Variants in STK33 observed in about 807,000 individuals in gnomAD.
STK33 encodes the protein serine/threonine-protein kinase 33.
STK33 carries 52 observed loss-of-function variants against 58.0 expected under a neutral mutation model. The ratio of observed to expected loss-of-function variants is 0.90; its 90% confidence interval spans 0.72 to 1.13. STK33 has a LOEUF of 1.13. Among genes scored for constraint, STK33 ranks in the 50% most tolerant of loss-of-function variants. The probability of loss-of-function intolerance (pLI) is 0.00; values close to 1 mark genes in which losing one functional copy is unlikely to be tolerated. For missense variants in STK33, 630 were observed against 604.2 expected (o/e 1.04, Z -0.45); for synonymous variants, 215 against 200.1 (o/e 1.07, Z -0.63).
intron 1 of STK33, among the ~76,000 whole-genome samples, chr11:8,496,324 T>C (rs1160057280): frequency 6.6e-6 from 1 of 152,170 alleles, no homozygotes; most frequent in Non-Finnish European, 1.5e-5. Flanking sequence ...GTGCAAAAAA[T>C]GAATTTATGC....
chr11:8,384,071 C>A, the STK33 span, among the ~76,000 whole-genome samples: 1 of 152,084 alleles, frequency 6.6e-6, no homozygotes, highest in South Asian at 2.1e-4. Context: ...GGTGCCGAGG[C>A]AAGAGAGTGA....
intron 1 of STK33, among the ~76,000 whole-genome samples, chr11:8,509,914 C>A (rs896151526): frequency 2.6e-5 from 4 of 152,146 alleles, no homozygotes; most frequent in African/African-American, 9.7e-5. Context: ...GACTGATGGG[C>A]ATTTAGGTTG....
chr11:8,513,906 T>A (rs942017726), intron 1 of STK33, among the ~76,000 whole-genome samples: 1 of 152,136 alleles, frequency 6.6e-6, no homozygotes, highest in Non-Finnish European at 1.5e-5. Context: ...AAATACGAGT[T>A]CTTATTCATT....
intron 6 of STK33, chr11:8,466,554 T>C (rs1406756383): frequency 6.6e-6 from 1 of 152,222 alleles, no homozygotes; most frequent in Non-Finnish European, 1.5e-5. Context: ...TCCCTGTAGC[T>C]TTGCAAGGTA....
chr11:8,344,815 G>A, the STK33 span, among the ~76,000 whole-genome samples: 3 of 152,304 alleles, frequency 2.0e-5, no homozygotes, highest in South Asian at 2.1e-4. Context: ...GGGAGGCTCC[G>A]CTCCTGGAGC....
chr11:8,381,864 T>C, the STK33 span, among the ~76,000 whole-genome samples: 1 of 152,184 alleles, frequency 6.6e-6, no homozygotes. Flanking sequence ...GGAAATAGCC[T>C]ACAGATCCCT....
At chr11:8,364,810 T>C in the STK33 span, among the ~76,000 whole-genome samples, 6 of 152,242 alleles carry the variant, frequency 3.9e-5, no homozygotes, top group Non-Finnish European at 7.3e-5. Context: ...GTAGGGGTTG[T>C]ACCAGTTTTG....
chr11:8,365,665 C>T, the STK33 span, among the ~76,000 whole-genome samples: 1 of 152,232 alleles, frequency 6.6e-6, no homozygotes, highest in South Asian at 2.1e-4. Context: ...CAGCCCAGCT[C>T]CCGGCTGCAG....
intron 10 of STK33, 75 bp downstream of exon 10, chr11:8,454,668 TA>T: frequency 6.9e-7 from 1 of 1,457,138 alleles, no homozygotes. Context: ...AACATGTGTC[TA>T]AAAAGAGGAT....
intron 1 of STK33, among the ~76,000 whole-genome samples, chr11:8,510,769 C>G (rs1216255911): frequency 1.3e-5 from 2 of 152,070 alleles, no homozygotes; most frequent in African/African-American, 2.4e-5. Flanking sequence ...GTCCTTTTCC[C>G]AACTTTATGT....
intron 15 of STK33, among the ~76,000 whole-genome samples, chr11:8,394,441 G>T (rs1356073865): frequency 6.6e-6 from 1 of 152,200 alleles, no homozygotes; most frequent in African/African-American, 2.4e-5. Context: ...AGTTGTTGAG[G>T]AAGTAGTTTT....
At chr11:8,346,720 A>G in the STK33 span, among the ~76,000 whole-genome samples, 3 of 151,554 alleles carry the variant, frequency 2.0e-5, no homozygotes, top group African/African-American at 7.3e-5. Context: ...GTGTCTTCCC[A>G]CCCCGACCCC....
chr11:8,561,967 C>G (rs1957142501), intron 1 of STK33, among the ~76,000 whole-genome samples: 4 of 152,118 alleles, frequency 2.6e-5, no homozygotes, highest in Non-Finnish European at 5.9e-5. Context: ...ATTTCTCCCA[C>G]AAGGCACAGA....
chr11:8,424,382 C>A (rs955615200), intron 14 of STK33, among the ~76,000 whole-genome samples: 9 of 149,830 alleles, frequency 6.0e-5, no homozygotes, highest in Admixed American at 3.3e-4. Flanking sequence ...TTAATCCAGT[C>A]TATCATTGTT....
chr11:8,522,445 T>A, intron 1 of STK33, among the ~76,000 whole-genome samples: 1 of 147,962 alleles, frequency 6.8e-6, no homozygotes. Flanking sequence ...GGACACAGGG[T>A]GGGGAACATC....
chr11:8,515,826 T>G (rs2077059773), intron 1 of STK33, among the ~76,000 whole-genome samples: 1 of 152,016 alleles, frequency 6.6e-6, no homozygotes, highest in South Asian at 2.1e-4. Flanking sequence ...AAACCAGGAA[T>G]AGAAGAAAAC....
intron 6 of STK33, among the ~76,000 whole-genome samples, chr11:8,471,651 G>C (rs1948792753): frequency 6.6e-6 from 1 of 151,772 alleles, no homozygotes; most frequent in Non-Finnish European, 1.5e-5. Context: ...TATTTTATGG[G>C]GGAATAGAAG....
At chr11:8,548,180 TG>T (rs1309433495) in intron 1 of STK33, among the ~76,000 whole-genome samples, 10 of 152,172 alleles carry the variant, frequency 6.6e-5, no homozygotes, top group Admixed American at 5.2e-4. Flanking sequence ...AAAAAATCTT[TG>T]CCCAGACCAA....
At chr11:8,507,652 G>C (rs1452353022) in intron 1 of STK33, among the ~76,000 whole-genome samples, 1 of 152,088 alleles carries the variant, frequency 6.6e-6, no homozygotes, top group African/African-American at 2.4e-5. Flanking sequence ...AGGCACCCCT[G>C]ATGAAAAACC....
Sources: gnomAD v4.1 joint callset for allele counts (sites outside exome capture counted in the v4.1 genomes callset) on GRCh38, gnomAD v4.1.1 for gene constraint, MANE v1.5 for transcripts, NCBI Gene and HGNC (gene_info 2026-07-23, HGNC 2026-07-21) for gene names.